Variants in ATP10B observed in about 807,000 individuals in gnomAD.
ATP10B encodes ATPase phospholipid transporting 10B (putative).
ATP10B carries 122 observed loss-of-function variants against 141.2 expected under a neutral mutation model. That is an observed-to-expected ratio of 0.86 (90% CI 0.75 to 1.00). ATP10B has a LOEUF of 1.00. ATP10B is among the 50% of genes least tolerant of loss of function. ATP10B has a pLI of 0.00. For synonymous variants in ATP10B, 685 were observed against 692.0 expected (o/e 0.99, Z 0.16); for missense variants, 1,876 against 1,825.3 (o/e 1.03, Z -0.51).
intron 17 of ATP10B, among the ~76,000 whole-genome samples, chr5:160,615,242 C>G (rs1561655535): frequency 6.6e-6 from 1 of 152,076 alleles, no homozygotes; most frequent in Non-Finnish European, 1.5e-5. Context: ...CTGTTTCCCC[C>G]CAGCCCGGGA....
intron 1 of ATP10B, among the ~76,000 whole-genome samples, chr5:160,836,014 A>G (rs545416046): frequency 1.3e-5 from 2 of 152,254 alleles, no homozygotes; most frequent in African/African-American, 4.8e-5. Flanking sequence ...CTCAAATACC[A>G]CATGTTCTCA....
At chr5:160,745,915 T>G (rs1431745548) in intron 2 of ATP10B, among the ~76,000 whole-genome samples, 1 of 152,236 alleles carries the variant, frequency 6.6e-6, no homozygotes, top group Admixed American at 6.5e-5. Flanking sequence ...AAATACTTGA[T>G]TCCACTGCCA....
intron 6 of ATP10B, among the ~76,000 whole-genome samples, chr5:160,683,432 T>C (rs1231920179): frequency 2.0e-5 from 3 of 152,152 alleles, no homozygotes; most frequent in Non-Finnish European, 4.4e-5. Context: ...ATCTTGGAGG[T>C]TTCCCCTGGC....
chr5:160,738,076 T>C (rs144948689), intron 2 of ATP10B, among the ~76,000 whole-genome samples: 1,794 of 152,200 alleles, frequency 0.012, 21 homozygotes, highest in Non-Finnish European at 0.018. Context: ...AAGTCTGAAA[T>C]CATGCAGAGT....
the ATP10B span, among the ~76,000 whole-genome samples, chr5:160,923,896 A>G: frequency 6.6e-6 from 1 of 152,258 alleles, no homozygotes; most frequent in African/African-American, 2.4e-5. Context: ...GAGAAATTGG[A>G]AAAATGCAAC....
At chr5:160,803,011 C>T (rs1468341147) in intron 1 of ATP10B, among the ~76,000 whole-genome samples, 1 of 152,190 alleles carries the variant, frequency 6.6e-6, no homozygotes, top group Non-Finnish European at 1.5e-5. Flanking sequence ...ACTCACTCTC[C>T]TGCACATGCT....
chr5:160,709,145 T>C (rs1486720129), intron 3 of ATP10B, among the ~76,000 whole-genome samples: 2 of 152,112 alleles, frequency 1.3e-5, no homozygotes, highest in Admixed American at 6.6e-5. Flanking sequence ...ACCTGCCTCA[T>C]TGAGGGATAG....
the ATP10B span, among the ~76,000 whole-genome samples, chr5:160,860,446 T>G: frequency 6.6e-6 from 1 of 151,924 alleles, no homozygotes; most frequent in Non-Finnish European, 1.5e-5. Context: ...TTAGGCTTGG[T>G]TCTTCCTCTA....
intron 2 of ATP10B, among the ~76,000 whole-genome samples, chr5:160,728,262 C>A (rs1766501856): frequency 6.6e-6 from 1 of 152,106 alleles, no homozygotes; most frequent in African/African-American, 2.4e-5. Flanking sequence ...TACTAAACTG[C>A]CTGAAAACCT....
the ATP10B span, among the ~76,000 whole-genome samples, chr5:160,857,957 A>C: frequency 1.3e-5 from 2 of 151,996 alleles, no homozygotes; most frequent in African/African-American, 4.8e-5. Flanking sequence ...GATGGCACTT[A>C]AAGAGAATGA....
chr5:160,568,545 C>T (rs367723420), intron 25 of ATP10B, among the ~76,000 whole-genome samples: 15 of 152,264 alleles, frequency 9.9e-5, no homozygotes, highest in East Asian at 7.7e-4. Context: ...CCTATGGGAA[C>T]ATCATCATCA....
intron 1 of ATP10B, among the ~76,000 whole-genome samples, chr5:160,822,860 C>T (rs1316522292): frequency 6.6e-6 from 1 of 150,614 alleles, no homozygotes; most frequent in Non-Finnish European, 1.5e-5. Flanking sequence ...TTACTAGAGA[C>T]TGGGAAGGGT....
chr5:160,733,391 T>G (rs1453111696), intron 2 of ATP10B, among the ~76,000 whole-genome samples: 4 of 151,904 alleles, frequency 2.6e-5, no homozygotes, highest in African/African-American at 9.7e-5. Flanking sequence ...TAAGAAAAAG[T>G]AAAGAAATAA....
At chr5:160,709,179 A>G (rs564994962) in intron 3 of ATP10B, among the ~76,000 whole-genome samples, 1 of 152,356 alleles carries the variant, frequency 6.6e-6, no homozygotes, top group African/African-American at 2.4e-5. Context: ...ACAAAATACA[A>G]GAGCATATCC....
At chr5:160,857,568 A>T in the ATP10B span, among the ~76,000 whole-genome samples, 2 of 151,488 alleles carry the variant, frequency 1.3e-5, no homozygotes, top group Non-Finnish European at 3.0e-5. Context: ...GGATATTTTT[A>T]TCTTCTTTTT....
intron 1 of ATP10B, among the ~76,000 whole-genome samples, chr5:160,825,828 T>C (rs1774560183): frequency 6.6e-6 from 1 of 152,198 alleles, no homozygotes; most frequent in African/African-American, 2.4e-5. Context: ...TGACCAGTAG[T>C]CAGCAGTGTC....
intron 11 of ATP10B, among the ~76,000 whole-genome samples, chr5:160,634,849 G>A (rs894539510): frequency 2.0e-5 from 3 of 152,216 alleles, no homozygotes; most frequent in African/African-American, 7.2e-5. Context: ...GACTGAGCTG[G>A]GAGGGAGTGA....
the ATP10B span, among the ~76,000 whole-genome samples, chr5:160,857,460 T>C: frequency 1.3e-5 from 2 of 151,868 alleles, no homozygotes; most frequent in South Asian, 4.1e-4. Context: ...ATTCTATTTG[T>C]TGATCTTTTA....
chr5:160,887,759 A>G, the ATP10B span, among the ~76,000 whole-genome samples: 2 of 152,068 alleles, frequency 1.3e-5, no homozygotes, highest in Non-Finnish European at 2.9e-5. Context: ...TCCCCAAGAT[A>G]CCTGTGTGGC....
Sources: allele counts gnomAD v4.1 joint callset (sites outside exome capture counted in the v4.1 genomes callset), GRCh38; gene constraint gnomAD v4.1.1; transcripts MANE v1.5; gene names NCBI Gene and HGNC (gene_info 2026-07-23, HGNC 2026-07-21).